Variants in SLC23A2 observed in about 807,000 individuals in gnomAD.
SLC23A2 encodes the protein Na(+)/L-ascorbic acid transporter 2.
A neutral mutation model predicts 73.3 loss-of-function variants in SLC23A2; 36 were observed. The ratio of observed to expected loss-of-function variants is 0.49; its 90% CI spans 0.38 to 0.65. The LOEUF is 0.65. SLC23A2 is among the 30% of genes least tolerant of loss of function. SLC23A2 has a pLI of 0.00. For synonymous variants in SLC23A2, 343 were observed against 327.3 expected (o/e 1.05, Z -0.52); for missense variants, 507 against 841.6 (o/e 0.60, Z 4.92).
chr20:4,853,770 G>A lies in SLC23A2; in HGVS notation c.*3202C>T, dbSNP rs1381158235. 6.6e-6 allele frequency: 1 copy of A among 152,422 alleles called. No homozygotes were observed. Among genetic ancestry groups the A allele is most frequent in the Non-Finnish European group, 1.5e-5 (1 of 68,042 alleles). The allele number at this position is 152,422 out of a possible 1,614,324, so 9.4% of individuals were successfully genotyped here. A position where few individuals can be genotyped will look rare whatever the true frequency, so the allele number is the denominator to read the frequency against. On this transcript the variant is annotated 3_prime_UTR_variant, in exon 17 of 17. Coordinates refer to ENST00000338244, the MANE Select transcript of SLC23A2 (RefSeq NM_005116.6). ...GGACCCATGATGCTTCATTCTGGCT[G>A]GCATGGTTAAAGCCACTTCTCTTGC...
chr20:4,911,289 A>C (rs1416767998), intron 4 of SLC23A2, among the ~76,000 whole-genome samples: 1 of 152,196 alleles, frequency 6.6e-6, no homozygotes, highest in African/African-American at 2.4e-5. Context: ...AATCTACTTT[A>C]ATTAACCTCC....
chr20:4,898,010 AAAAGC>A (rs895063063), intron 6 of SLC23A2, among the ~76,000 whole-genome samples: 7 of 152,220 alleles, frequency 4.6e-5, no homozygotes, highest in African/African-American at 1.7e-4. Context: ...GTGAGCCAAA[AAAAGC>A]TCTGCCGTGC....
intron 1 of SLC23A2, among the ~76,000 whole-genome samples, chr20:4,988,367 C>T (rs2087865327): frequency 2.4e-5 from 1 of 41,604 alleles, no homozygotes; most frequent in Non-Finnish European, 3.7e-5. Context: ...TTTGGGAAAC[C>T]GAGGGGGGGC....
intron 13 of SLC23A2, among the ~76,000 whole-genome samples, chr20:4,867,181 G>A (rs527472394): frequency 6.6e-6 from 1 of 151,578 alleles, no homozygotes; most frequent in Non-Finnish European, 1.5e-5. Context: ...CAGTTACCCG[G>A]CAGACCCCAC....
chr20:4,862,624 G>T lies in SLC23A2; in HGVS notation c.1486+154C>A. 6.6e-6 allele frequency among the ~76,000 whole-genome samples: 1 copy of T among 152,208 alleles called. No homozygotes were observed. Among genetic ancestry groups the T allele is most frequent in the East Asian group, 1.9e-4 (1 of 5,200 alleles). On this transcript the variant is annotated intron_variant, in intron 14 of 16. Coordinates refer to ENST00000338244, the MANE Select transcript of SLC23A2 (RefSeq NM_005116.6). This position sits in a 1 kb window ranked among gnomAD's most constrained non-coding sequence, Gnocchi z 5.1. Reference sequence around the variant, plus strand: ...ATTTAATATAAATTCAACTCAGAGAGTGATAAAAGTTTTCATTTTTTGAAG... The same window carrying T: ...ATTTAATATAAATTCAACTCAGAGATTGATAAAAGTTTTCATTTTTTGAAG...
upstream of SLC23A2, among the ~76,000 whole-genome samples, chr20:5,001,898 T>C (rs966808763): frequency 1.3e-5 from 2 of 152,034 alleles, no homozygotes; most frequent in South Asian, 2.1e-4. Context: ...TTGTGGTGCA[T>C]TGGGCTCAGT....
intron 1 of SLC23A2, among the ~76,000 whole-genome samples, chr20:4,991,759 CACACAA>C (rs1035689736): frequency 1.0e-4 from 14 of 134,760 alleles, no homozygotes; most frequent in Middle Eastern, 4.0e-3. Flanking sequence ...CACACACACA[CACACAA>C]AAGTAATCTA....
intron 1 of SLC23A2, among the ~76,000 whole-genome samples, chr20:5,008,521 C>T (rs1261649939): frequency 6.6e-6 from 1 of 152,114 alleles, no homozygotes; most frequent in Non-Finnish European, 1.5e-5. Flanking sequence ...AACCTCTTAC[C>T]CTCGAATGAC....
Position 4,902,379 on chromosome 20 carries a change from T to C in SLC23A2, c.324+63A>G, listed in dbSNP as rs541313444. ...AAACCAAAGTGGAATTTTTAAACAA[T>C]TCCAGATGGTAGACAATGCAAACAC... On this transcript the variant is annotated intron_variant, in intron 5 of 16. Coordinates refer to ENST00000338244, the MANE Select transcript of SLC23A2 (RefSeq NM_005116.6). The surrounding 1 kb of genome is among the most constrained non-coding windows in gnomAD (Gnocchi z 4.0). 10 of 913,002 alleles carry C rather than the reference T, an allele frequency of 1.1e-5. No individual in the cohort carries two copies. Among genetic ancestry groups the C allele is most frequent in the Non-Finnish European group, 1.7e-5 (10 of 583,632 alleles). 56.6% of individuals were successfully genotyped at this position (913,002 alleles called of 1,614,324 possible).
intron 6 of SLC23A2, among the ~76,000 whole-genome samples, chr20:4,894,434 A>G (rs547229736): frequency 8.5e-5 from 13 of 152,336 alleles, no homozygotes; most frequent in Admixed American, 2.6e-4. Context: ...GCCAGGGGAG[A>G]GATGTGCAGT....
At chr20:4,968,907 C>T (rs990796274) in intron 2 of SLC23A2, among the ~76,000 whole-genome samples, 3 of 150,372 alleles carry the variant, frequency 2.0e-5, no homozygotes, top group African/African-American at 7.4e-5. Flanking sequence ...TTAGTAGAGA[C>T]GGGGTTTCAC....
intron 2 of SLC23A2, among the ~76,000 whole-genome samples, chr20:4,949,292 A>G (rs1465185774): frequency 6.7e-6 from 1 of 149,218 alleles, no homozygotes; most frequent in South Asian, 2.1e-4. Context: ...CATCTCAAAA[A>G]AAAAAAAAAA....
intron 6 of SLC23A2, among the ~76,000 whole-genome samples, chr20:4,894,891 G>C (rs1437414119): frequency 6.6e-6 from 1 of 152,194 alleles, no homozygotes; most frequent in Non-Finnish European, 1.5e-5. Flanking sequence ...CAGATCAAGA[G>C]CCCATGTGAA....
chr20:4,901,580 G>T (rs942030090), intron 5 of SLC23A2, among the ~76,000 whole-genome samples: 1 of 152,146 alleles, frequency 6.6e-6, no homozygotes, highest in African/African-American at 2.4e-5. Context: ...GACGCCGGAG[G>T]CCTCCATCAG....
intron 6 of SLC23A2, among the ~76,000 whole-genome samples, chr20:4,896,152 C>T (rs746687635): frequency 1.3e-5 from 2 of 152,112 alleles, no homozygotes; most frequent in South Asian, 2.1e-4. Flanking sequence ...GTGCAGCAAA[C>T]GTGCCCCCCA....
At chr20:4,980,701 T>C (rs1295474309) in intron 1 of SLC23A2, among the ~76,000 whole-genome samples, 1 of 151,988 alleles carries the variant, frequency 6.6e-6, no homozygotes, top group Non-Finnish European at 1.5e-5. Flanking sequence ...CGGCTAATTT[T>C]TTGTTTTTAG....
intron 9 of SLC23A2, among the ~76,000 whole-genome samples, chr20:4,878,727 AC>A (rs1930755313): frequency 6.6e-6 from 1 of 152,254 alleles, no homozygotes. Flanking sequence ...AGTTTTTCCT[AC>A]ATAATTTGTC....
In SLC23A2 at chr20:4,893,933, G is replaced by A. The variant is rs116087022; in HGVS notation, c.482+5622C>T. The stretch of plus-strand genomic sequence containing the variant: ...GCGGGAAAGTCAGTGTGGTGACGGC[G>A]GGGCAGGGTCTTGGAGGGCCCTAGA... On this transcript the variant is annotated intron_variant, in intron 6 of 16. Transcript: ENST00000338244. 4.4e-3 allele frequency among the ~76,000 whole-genome samples: 663 copies of A among 152,222 alleles called. 3 individuals carry two copies. The highest frequency in any genetic ancestry group is 0.015 in the African/African-American group (630 of 41,524).
chr20:4,943,393 C>T (rs1256923798), intron 2 of SLC23A2, among the ~76,000 whole-genome samples: 1 of 151,912 alleles, frequency 6.6e-6, no homozygotes, highest in Non-Finnish European at 1.5e-5. Flanking sequence ...CTGGGCCAGG[C>T]ACGGTGGATC....
Sources: gnomAD v4.1 joint callset for allele counts (sites outside exome capture counted in the v4.1 genomes callset) on GRCh38, gnomAD v4.1.1 for gene constraint, Gnocchi (gnomAD v3.1) non-coding constraint, MANE v1.5 for transcripts, NCBI Gene and HGNC (gene_info 2026-07-23, HGNC 2026-07-21) for gene names.